CSKMT: variants seen among roughly 807,000 people sequenced by gnomAD.
CSKMT encodes citrate synthase lysine methyltransferase, also known as citrate synthase-lysine N-methyltransferase CSKMT, mitochondrial.
A neutral mutation model predicts 4.6 loss-of-function variants in CSKMT; 6 were observed. The ratio of observed to expected loss-of-function variants is 1.31; its 90% CI spans 0.72 to 2.59. The LOEUF is 2.59. Ranked by LOEUF, CSKMT falls within the 30% of genes most tolerant of loss-of-function variation. The probability of loss-of-function intolerance (pLI) is 0.00; values close to 1 mark genes in which losing one functional copy is unlikely to be tolerated. For missense variants in CSKMT, 328 were observed against 298.0 expected (o/e 1.10, Z -0.74); for synonymous variants, 142 against 128.9 (o/e 1.10, Z -0.69).
chr11:62,665,825 A>T lies in CSKMT; in HGVS notation c.-55A>T. 6.3e-7 allele frequency: 1 copy of T among 1,596,032 alleles called. No individual in the cohort carries two copies. Among genetic ancestry groups the T allele is most frequent in the Non-Finnish European group, 8.6e-7 (1 of 1,167,214 alleles). On this transcript the variant is annotated 5_prime_UTR_variant, in exon 2 of 3. Coordinates refer to ENST00000532971, the MANE Select transcript of CSKMT (RefSeq NM_001043229.2). The stretch of plus-strand genomic sequence containing the variant: ...CTGGACCTCAGGCCTCTCCGGCTGG[A>T]GTAGGGTGGACGCTTCACATAAGCT...
intron 2 of CSKMT, 48 bp from the exon 3 acceptor site, chr11:62,666,348 T>C (rs1554979411): frequency 6.3e-7 from 1 of 1,594,038 alleles, no homozygotes; most frequent in Non-Finnish European, 8.5e-7. Context: ...TACGACGTTT[T>C]TGCAGTGGCG....
intron 1 of CSKMT, 150 bp from the exon 2 acceptor site, chr11:62,665,497 G>T: frequency 6.4e-7 from 1 of 1,572,320 alleles, no homozygotes; most frequent in East Asian, 2.3e-5. Context: ...AAGGGCTCTG[G>T]CCCCCTCGGC....
In CSKMT at chr11:62,667,431, T is replaced by C. The variant is rs1457541776; in HGVS notation, c.*380T>C. ...GTGGCCTAACCTGTAAGCCTCATTT[T>C]TGTCACCTGTAAAAGGAGATTGTAA... On this transcript the variant is annotated 3_prime_UTR_variant, in exon 3 of 3. Coordinates refer to ENST00000532971, the MANE Select transcript of CSKMT (RefSeq NM_001043229.2). 4 of 1,348,020 alleles carry C rather than the reference T, an allele frequency of 3.0e-6. No homozygotes were observed. In the Admixed American group the frequency reaches 7.1e-5, roughly 24 times the overall value. 83.5% of individuals were successfully genotyped at this position (1,348,020 alleles called of 1,614,324 possible).
At position 62,666,637 on chromosome 11, in the gene CSKMT, G is replaced by A. The variant is rs1288054031; in HGVS notation, c.309G>A (p.Val103=). Residue 103 remains valine, a synonymous_variant, in exon 3 of 3, where the codon GTG becomes GTA. Transcript: ENST00000532971. ...LYTKSPHPVD[V]LGVDFSPVAV... is the part of the protein sequence containing the mutation. ...CCAAATCTCCACACCCAGTGGATGTGCTGGGGGTGGACTTTTCTCCTGTGG... is the reference window on the plus strand; with the variant it reads ...CCAAATCTCCACACCCAGTGGATGTACTGGGGGTGGACTTTTCTCCTGTGG... 2.5e-6 allele frequency: 4 copies of A among 1,614,078 alleles called. No homozygotes were observed. The African/African-American group carries it at 5.3e-5, about 22-fold the overall frequency.
At chr11:62,666,205 T>A in intron 2 of CSKMT, 191 bp from the exon 3 acceptor site, 1 of 724,218 alleles carries the variant, frequency 1.4e-6, no homozygotes, top group Middle Eastern at 3.3e-4. Flanking sequence ...CCGGGCACGA[T>A]GGCGCCTATA....
Position 62,666,840 on chromosome 11 carries a change from G to T in CSKMT, c.512G>T (p.Arg171Leu), listed in dbSNP as rs753195000. ...AAAGGCACATGGGATGCTGTTGCCC[G>T]GGGAGGTCTGCCTAGGGCTTACCAG... ...LDKGTWDAVA[R>L]GGLPRAYQLL... The change falls in exon 3 of 3, where the codon CGG (arginine) becomes CTG (leucine). Residue 171 changes from arginine (R) to leucine (L), a missense_variant. Arg to Leu is a moderately radical substitution (Grantham distance 102). Transcript: ENST00000532971. The T allele has an allele frequency of 1.2e-6, 2 of 1,614,158 alleles. No homozygotes were observed. The highest frequency in any genetic ancestry group is 1.7e-6 in the Non-Finnish European group (2 of 1,180,018).
rs1474859180 is a variant in CSKMT at position 62,665,915 on chromosome 11, C to T, written c.36C>T (p.Ser12=). ...TGCGTCGAATGCTCCACTTGCCGAG[C>T]CTGATGATGGGGACGTGCCGCCCCT... ...AALRRMLHLP[S]LMMGTCRPFA... The change falls in exon 2 of 3, where the codon AGC becomes AGT. Residue 12 remains serine, a synonymous_variant. Transcript: ENST00000532971. The T allele has an allele frequency of 6.2e-7, 1 of 1,613,306 alleles. No homozygotes were observed. Among genetic ancestry groups the T allele is most frequent in the South Asian group, 1.1e-5 (1 of 91,070 alleles).
intron 1 of CSKMT, 132 bp from the exon 2 acceptor site, chr11:62,665,515 C>T (rs201847210): frequency 6.4e-6 from 10 of 1,571,918 alleles, no homozygotes; most frequent in Non-Finnish European, 8.6e-6. Context: ...GGCGTCATGT[C>T]TTCGGTGCTG....
chr11:62,667,433 G>A lies in CSKMT; in HGVS notation c.*382G>A, dbSNP rs1202771426. 1 of 1,365,796 alleles carries A rather than the reference G, an allele frequency of 7.3e-7. No homozygotes were observed. The highest frequency in any genetic ancestry group is 1.2e-5 in the South Asian group (1 of 84,558). The allele number at this position is 1,365,796 out of a possible 1,614,324, so 84.6% of individuals were successfully genotyped here. On this transcript the variant is annotated 3_prime_UTR_variant, in exon 3 of 3. Transcript: ENST00000532971. Reference sequence around the variant, plus strand: ...GGCCTAACCTGTAAGCCTCATTTTTGTCACCTGTAAAAGGAGATTGTAAGA... The same window carrying A: ...GGCCTAACCTGTAAGCCTCATTTTTATCACCTGTAAAAGGAGATTGTAAGA...
chr11:62,665,606 C>G (rs763963891), intron 1 of CSKMT, 41 bp from the exon 2 acceptor site: 4 of 1,564,376 alleles, frequency 2.6e-6, no homozygotes, highest in East Asian at 2.3e-5. Context: ...ATCCAGCTGG[C>G]TCCTCCATCG....
rs1199311409 is a variant in CSKMT at position 62,665,695 on chromosome 11, A to C, written c.-185A>C. On this transcript the variant is annotated 5_prime_UTR_variant, in exon 2 of 3. Coordinates refer to ENST00000532971, the MANE Select transcript of CSKMT (RefSeq NM_001043229.2). The stretch of plus-strand genomic sequence containing the variant: ...CTCCACTTCCCGCTGCAGCCAATAA[A>C]GGCCGTTCCTACCATAGTCTGTGTC... The C allele has an allele frequency of 8.2e-6, 12 of 1,459,786 alleles. No individual in the cohort carries two copies. The highest frequency in any genetic ancestry group is 1.1e-5 in the Non-Finnish European group (12 of 1,106,806). The allele number at this position is 1,459,786 out of a possible 1,614,324, so 90.4% of individuals were successfully genotyped here. A position where few individuals can be genotyped will look rare whatever the true frequency, so the allele number is the denominator to read the frequency against.
chr11:62,665,716 G>A lies in CSKMT; in HGVS notation c.-164G>A. 3.4e-6 allele frequency: 5 copies of A among 1,462,606 alleles called. No individual in the cohort carries two copies. Among genetic ancestry groups the A allele is most frequent in the East Asian group, 2.5e-5 (1 of 40,324 alleles). 90.6% of individuals were successfully genotyped at this position (1,462,606 alleles called of 1,614,324 possible). The stretch of plus-strand genomic sequence containing the variant: ...ATAAAGGCCGTTCCTACCATAGTCT[G>A]TGTCCGCGTTCTTTTTTCCGGGACT... On this transcript the variant is annotated 5_prime_UTR_variant, in exon 2 of 3. It adds an upstream start codon to the 5' untranslated region. Coordinates refer to ENST00000532971, the MANE Select transcript of CSKMT (RefSeq NM_001043229.2).
rs929903045 is a variant in CSKMT, at chr11:62,666,015, C to T, written c.67+69C>T. ...AGTGGGGAGGGTAAGGTGGGTTCCT[C>T]GTGAGTCAGGAGTGTAGTCCCTGAA... On this transcript the variant is annotated intron_variant, in intron 2 of 2. Transcript: ENST00000532971. The T allele has an allele frequency of 1.1e-5, 17 of 1,519,808 alleles. No homozygotes were observed. In the African/African-American group the frequency reaches 1.2e-4, roughly 11 times the overall value. 94.1% of individuals were successfully genotyped at this position (1,519,808 alleles called of 1,614,324 possible). A position where few individuals can be genotyped will look rare whatever the true frequency, so the allele number is the denominator to read the frequency against.
Position 62,667,147 on chromosome 11 carries a change from G to C in CSKMT, c.*96G>C, listed in dbSNP as rs1433667850. On this transcript the variant is annotated 3_prime_UTR_variant, in exon 3 of 3. Coordinates refer to ENST00000532971, the MANE Select transcript of CSKMT (RefSeq NM_001043229.2). ...CTATCTGGCTGCAAAGTGAGAATTT[G>C]AGTCCTGGCTTCCACATTTACTAGC... 3 of 1,302,666 alleles carry C rather than the reference G, an allele frequency of 2.3e-6. No individual in the cohort carries two copies. The highest frequency in any genetic ancestry group is 2.3e-5 in the East Asian group (1 of 43,038). The allele number at this position is 1,302,666 out of a possible 1,614,324, so 80.7% of individuals were successfully genotyped here.
intron 2 of CSKMT, 85 bp downstream of exon 2, chr11:62,666,031 A>G (rs534502356): frequency 2.5e-4 from 351 of 1,422,758 alleles, no homozygotes; most frequent in Admixed American, 3.2e-4. Flanking sequence ...TCAGGAGTGT[A>G]GTCCCTGAAA....
At chr11:62,666,167 G>C in intron 2 of CSKMT, 1 of 699,526 alleles carries the variant, frequency 1.4e-6, no homozygotes, top group Non-Finnish European at 2.4e-6. Context: ...GGGCAACATA[G>C]CGAGACCCTG....
At chr11:62,665,585 G>T (rs1944784507) in intron 1 of CSKMT, 62 bp from the exon 2 acceptor site, 2 of 1,568,040 alleles carry the variant, frequency 1.3e-6, no homozygotes, top group Non-Finnish European at 8.6e-7. Context: ...TCTCGGAGAA[G>T]GACAACCGAG....
chr11:62,667,536 A>G lies in CSKMT; in HGVS notation c.*485A>G. On this transcript the variant is annotated 3_prime_UTR_variant, in exon 3 of 3. Coordinates refer to ENST00000532971, the MANE Select transcript of CSKMT (RefSeq NM_001043229.2). ...AACAATACTTACCCTCAAAGCTATT[A>G]GGAGGCAGGAGATGGGAATATTCCA... 6.2e-7 allele frequency: 1 copy of G among 1,613,970 alleles called. No homozygotes were observed. The highest frequency in any genetic ancestry group is 1.1e-5 in the South Asian group (1 of 91,078).
At chr11:62,666,143 TC>T (rs1565126887) in intron 2 of CSKMT, 197 bp downstream of exon 2, 8 of 745,728 alleles carry the variant, frequency 1.1e-5, no homozygotes, top group Non-Finnish European at 1.7e-5. Flanking sequence ...GCCCAGGAGT[TC>T]GAGACCAACC....
Sources: allele counts gnomAD v4.1 joint callset, GRCh38; gene constraint gnomAD v4.1.1; transcripts MANE v1.5; gene names NCBI Gene and HGNC (gene_info 2026-07-23, HGNC 2026-07-21).